SYN3: variants seen among roughly 807,000 people sequenced by gnomAD.
The protein encoded by SYN3 is synapsin-3.
A neutral mutation model predicts 65.8 loss-of-function variants in SYN3; 35 were observed. The observed-to-expected ratio is 0.53, with a 90% CI of 0.41 to 0.70. The LOEUF (loss-of-function observed/expected upper bound fraction) is 0.70. Among genes scored for constraint, SYN3 ranks in the 30% least tolerant of loss-of-function variants. The pLI is 0.00. For missense variants in SYN3, 680 were observed against 749.0 expected (o/e 0.91, Z 1.08); for synonymous variants, 270 against 292.9 (o/e 0.92, Z 0.80).
chr22:32,685,866 C>G (rs962864843), intron 6 of SYN3, among the ~76,000 whole-genome samples: 34 of 152,184 alleles, frequency 2.2e-4, no homozygotes, highest in Admixed American at 7.9e-4. Flanking sequence ...GGAATAATTG[C>G]TTAAATTATT....
At chr22:32,623,919 T>C (rs2059629820) in intron 6 of SYN3, among the ~76,000 whole-genome samples, 1 of 152,164 alleles carries the variant, frequency 6.6e-6, no homozygotes, top group South Asian at 2.1e-4. Context: ...CCAATGCCCA[T>C]TTGTTTCAGA....
At chr22:33,047,383 A>AT (rs1418344210) in intron 1 of SYN3, among the ~76,000 whole-genome samples, 5 of 152,196 alleles carry the variant, frequency 3.3e-5, no homozygotes, top group Admixed American at 3.3e-4. Context: ...CAATGCTTTC[A>AT]ACGTGGAGCC....
chr22:32,543,289 T>C (rs1451482638), intron 7 of SYN3, among the ~76,000 whole-genome samples: 1 of 152,120 alleles, frequency 6.6e-6, no homozygotes, highest in African/African-American at 2.4e-5. Flanking sequence ...GAAACTGAGA[T>C]TTCTTGACTT....
intron 1 of SYN3, among the ~76,000 whole-genome samples, chr22:33,007,464 T>A (rs2053225211): frequency 6.6e-6 from 1 of 152,202 alleles, no homozygotes; most frequent in African/African-American, 2.4e-5. Flanking sequence ...TCACCAAATT[T>A]ATATGTTGAA....
chr22:32,726,501 T>C (rs190107759), intron 6 of SYN3, among the ~76,000 whole-genome samples: 13 of 152,340 alleles, frequency 8.5e-5, no homozygotes, highest in Admixed American at 7.8e-4. Flanking sequence ...ATATGGGCTT[T>C]ACAGTGTCAT....
At chr22:32,943,562 A>T (rs1212298565) in intron 3 of SYN3, among the ~76,000 whole-genome samples, 1 of 152,220 alleles carries the variant, frequency 6.6e-6, no homozygotes, top group African/African-American at 2.4e-5. Flanking sequence ...TAACCAGCTA[A>T]CATCATAATG....
chr22:32,726,256 C>T (rs890982327), intron 6 of SYN3, among the ~76,000 whole-genome samples: 2 of 152,174 alleles, frequency 1.3e-5, no homozygotes, highest in Non-Finnish European at 2.9e-5. Context: ...GATTCTCTTG[C>T]CTCAGCTTCC....
intron 6 of SYN3, among the ~76,000 whole-genome samples, chr22:32,599,870 G>T (rs2059256920): frequency 1.3e-5 from 2 of 152,128 alleles, no homozygotes; most frequent in Admixed American, 6.6e-5. Context: ...TTTATTATCT[G>T]CTTGGACCCA....
chr22:32,790,760 A>T (rs1167068122), intron 6 of SYN3, among the ~76,000 whole-genome samples: 1 of 146,954 alleles, frequency 6.8e-6, no homozygotes, highest in Non-Finnish European at 1.5e-5. Flanking sequence ...TTAATGACCG[A>T]CCTGCAAATT....
intron 7 of SYN3, among the ~76,000 whole-genome samples, chr22:32,556,769 C>G (rs2058503025): frequency 8.0e-6 from 1 of 125,108 alleles, no homozygotes; most frequent in Admixed American, 7.5e-5. Context: ...ACCCAATGAC[C>G]CAATGACCCA....
chr22:33,015,881 G>C (rs1253213818), intron 1 of SYN3, among the ~76,000 whole-genome samples: 2 of 134,578 alleles, frequency 1.5e-5, no homozygotes, highest in African/African-American at 2.9e-5. Context: ...CACTCTTGTT[G>C]CCCAGGCTGT....
chr22:32,798,916 C>T (rs1228134107), intron 6 of SYN3, among the ~76,000 whole-genome samples: 1 of 152,036 alleles, frequency 6.6e-6, no homozygotes, highest in Non-Finnish European at 1.5e-5. Flanking sequence ...TGGTCTCGAT[C>T]TCCTGACCTC....
intron 6 of SYN3, among the ~76,000 whole-genome samples, chr22:32,828,547 G>T (rs942005375): frequency 6.6e-6 from 1 of 152,204 alleles, no homozygotes; most frequent in African/African-American, 2.4e-5. Context: ...CACAGGCAGG[G>T]CATACCCATG....
chr22:32,637,630 C>CT (rs1185407986), intron 6 of SYN3, among the ~76,000 whole-genome samples: 1,143 of 93,482 alleles, frequency 0.012, 23 homozygotes, highest in African/African-American at 0.024. Context: ...TTTTCTTTTT[C>CT]TTTTTTTTTT....
intron 6 of SYN3, among the ~76,000 whole-genome samples, chr22:32,646,590 T>C (rs140503139): frequency 6.6e-5 from 10 of 152,262 alleles, no homozygotes; most frequent in African/African-American, 2.4e-4. Flanking sequence ...GCAGATGTGT[T>C]ATAATAGGTG....
At chr22:32,849,395 G>A in intron 6 of SYN3, 2 of 1,523,848 alleles carry the variant, frequency 1.3e-6, no homozygotes, top group South Asian at 1.2e-5. Context: ...CTGAGATGCT[G>A]TTCCTGATGT....
intron 4 of SYN3, among the ~76,000 whole-genome samples, chr22:32,886,035 C>T (rs1189578310): frequency 6.6e-6 from 1 of 152,158 alleles, no homozygotes; most frequent in African/African-American, 2.4e-5. Context: ...AGGCGGGCAA[C>T]CAACAGTAGA....
intron 6 of SYN3, among the ~76,000 whole-genome samples, chr22:32,723,565 A>G (rs552629051): frequency 7.9e-5 from 12 of 152,216 alleles, no homozygotes; most frequent in African/African-American, 2.9e-4. Flanking sequence ...AACTCTCCCT[A>G]TTCTCTGAAA....
At chr22:32,916,480 T>A (rs534057770) in intron 4 of SYN3, among the ~76,000 whole-genome samples, 1 of 152,228 alleles carries the variant, frequency 6.6e-6, no homozygotes, top group Non-Finnish European at 1.5e-5. Context: ...CAAGTTCAAT[T>A]TTTTTTCTTG....
Sources: allele counts gnomAD v4.1 joint callset (sites outside exome capture counted in the v4.1 genomes callset), GRCh38; gene constraint gnomAD v4.1.1; transcripts MANE v1.5; gene names NCBI Gene and HGNC (gene_info 2026-07-23, HGNC 2026-07-21).